TRAPPC9: variants seen among roughly 807,000 people sequenced by gnomAD.
TRAPPC9 encodes trafficking protein particle complex subunit 9, also known as IKK2 binding protein.
In TRAPPC9, 83 loss-of-function variants were observed where a neutral mutation model predicts 124.0. That is an observed-to-expected ratio of 0.67 (90% CI 0.56 to 0.80). The LOEUF (loss-of-function observed/expected upper bound fraction) is 0.80. Among genes scored for constraint, TRAPPC9 ranks in the 30% least tolerant of loss-of-function variants. TRAPPC9 has a pLI of 0.00. For synonymous variants in TRAPPC9, 638 were observed against 617.5 expected (o/e 1.03, Z -0.49); for missense variants, 1,302 against 1,508.3 (o/e 0.86, Z 2.27).
At position 139,727,743 on chromosome 8, in the gene TRAPPC9, T is replaced by C. The variant is rs1438379798; in HGVS notation, c.*3318A>G. ...TCCGGACTTTGCTTGAATACTTCTATTGACAAAGAGCTCACTCCATCAGCA... is the reference window on the plus strand; with the variant it reads ...TCCGGACTTTGCTTGAATACTTCTACTGACAAAGAGCTCACTCCATCAGCA... On this transcript the variant is annotated 3_prime_UTR_variant, in exon 23 of 23. Transcript: ENST00000438773. 1.3e-5 allele frequency among the ~76,000 whole-genome samples: 2 copies of C among 152,162 alleles called. No individual in the cohort carries two copies. Among genetic ancestry groups the C allele is most frequent in the African/African-American group, 4.8e-5 (2 of 41,440 alleles).
chr8:140,159,932 C>T (rs889904353), intron 17 of TRAPPC9, among the ~76,000 whole-genome samples: 1 of 152,164 alleles, frequency 6.6e-6, no homozygotes, highest in Non-Finnish European at 1.5e-5. Flanking sequence ...TCAGAATCTA[C>T]AACGAACTTA....
intron 19 of TRAPPC9, among the ~76,000 whole-genome samples, chr8:139,959,130 C>T (rs1835211979): frequency 3.3e-5 from 5 of 152,358 alleles, no homozygotes; most frequent in Middle Eastern, 6.8e-3. Context: ...GGGACTGGCT[C>T]CCAGCTTGGC....
intron 4 of TRAPPC9, among the ~76,000 whole-genome samples, chr8:140,431,085 C>A (rs2070624294): frequency 6.6e-6 from 1 of 152,160 alleles, no homozygotes; most frequent in Non-Finnish European, 1.5e-5. Flanking sequence ...ACAAATAATT[C>A]TGTGGCTTGG....
chr8:140,422,030 A>C lies in TRAPPC9; in HGVS notation c.886+4585T>G, dbSNP rs530747315. ...AAAACGGGCAAGAAATCAAACAAGC[A>C]AATAGTTTTCAGTAAATGATTCCCT... is the stretch of plus-strand genomic sequence containing the variant. On this transcript the variant is annotated intron_variant, in intron 5 of 22. Coordinates refer to ENST00000438773, the MANE Select transcript of TRAPPC9 (RefSeq NM_001160372.4). 3.3e-5 allele frequency among the ~76,000 whole-genome samples: 5 copies of C among 151,206 alleles called. No individual in the cohort carries two copies. The East Asian group carries it at 9.7e-4, about 29-fold the overall frequency.
chr8:139,864,069 AC>A lies in TRAPPC9; in HGVS notation c.3055+21809del, dbSNP rs1488098386. ...CATTCTGGCCCAGCTCCATCAGGCC[AC>A]CACAAAGCCCCCCTCCCTCTCCTGC... is the stretch of plus-strand genomic sequence containing the variant. On this transcript the variant is annotated intron_variant, in intron 21 of 22. Transcript: ENST00000438773. Among the ~76,000 whole-genome samples the A allele has an allele frequency of 2.6e-5, 4 of 152,228 alleles. No homozygotes were observed. In the East Asian group the frequency reaches 7.7e-4, roughly 29 times the overall value.
chr8:139,904,899 G>A (rs1831249523), intron 20 of TRAPPC9: 1 of 152,194 alleles, frequency 6.6e-6, no homozygotes, highest in African/African-American at 2.4e-5. Context: ...CAACAATGTG[G>A]CGTCATTAGT....
rs559637930 is a variant in TRAPPC9 at position 140,125,228 on chromosome 8, T to C, written c.2556+96231A>G. ...ACGGCCTCCCTAAGGGCCTCAAAGG[T>C]AACTGGCCCAGGGGCACTCGGAGGG... On this transcript the variant is annotated intron_variant, in intron 17 of 22. Transcript: ENST00000438773. 5.3e-5 allele frequency among the ~76,000 whole-genome samples: 8 copies of C among 152,018 alleles called. No individual in the cohort carries two copies. The East Asian group carries it at 1.4e-3, about 26-fold the overall frequency.
chr8:140,445,700 C>T (rs1309622581), intron 2 of TRAPPC9, among the ~76,000 whole-genome samples: 1 of 152,222 alleles, frequency 6.6e-6, no homozygotes, highest in African/African-American at 2.4e-5. Flanking sequence ...TCTTCTGTTC[C>T]ACCACCCTAG....
chr8:139,979,241 G>A (rs753366949), intron 19 of TRAPPC9, among the ~76,000 whole-genome samples: 6 of 152,170 alleles, frequency 3.9e-5, no homozygotes, highest in African/African-American at 9.7e-5. Flanking sequence ...CTTAAGAACC[G>A]TGTAGGTGGT....
At chr8:140,409,962 T>A (rs1352244982) in intron 5 of TRAPPC9, among the ~76,000 whole-genome samples, 1 of 151,392 alleles carries the variant, frequency 6.6e-6, no homozygotes, top group Non-Finnish European at 1.5e-5. Flanking sequence ...CGTGGCAAAA[T>A]CCCATCTCCA....
At chr8:140,225,828 G>A (rs2063438890) in intron 16 of TRAPPC9, among the ~76,000 whole-genome samples, 2 of 152,074 alleles carry the variant, frequency 1.3e-5, no homozygotes, top group African/African-American at 4.8e-5. Context: ...ATATACACAG[G>A]ACCCGTAATA....
chr8:139,805,833 C>G (rs1369247839), intron 21 of TRAPPC9, among the ~76,000 whole-genome samples: 1 of 152,182 alleles, frequency 6.6e-6, no homozygotes, highest in Non-Finnish European at 1.5e-5. Flanking sequence ...TCATGATACA[C>G]TTTAAAGTAC....
At chr8:140,391,299 G>A (rs765180630) in intron 7 of TRAPPC9, among the ~76,000 whole-genome samples, 10 of 152,250 alleles carry the variant, frequency 6.6e-5, no homozygotes, top group Non-Finnish European at 1.2e-4. Context: ...TGGATTCAAT[G>A]AGAGTTGATC....
chr8:139,834,049 T>C (rs1474420124), intron 21 of TRAPPC9, among the ~76,000 whole-genome samples: 3 of 152,100 alleles, frequency 2.0e-5, no homozygotes, highest in Non-Finnish European at 4.4e-5. Context: ...ACTGGGCAAG[T>C]CATGGAGCCC....
At chr8:140,279,800 G>A (rs537903227) in intron 14 of TRAPPC9, among the ~76,000 whole-genome samples, 9 of 152,192 alleles carry the variant, frequency 5.9e-5, no homozygotes, top group Non-Finnish European at 1.3e-4. Context: ...AGCAGCTAGA[G>A]GACCTGCTTT....
At chr8:140,357,893 C>T (rs766710936) in intron 9 of TRAPPC9, among the ~76,000 whole-genome samples, 18 of 152,176 alleles carry the variant, frequency 1.2e-4, no homozygotes, top group Non-Finnish European at 2.4e-4. Flanking sequence ...ACCCAATACA[C>T]GCAGAAAAGG....
intron 21 of TRAPPC9, among the ~76,000 whole-genome samples, chr8:139,819,982 TG>T (rs1825140067): frequency 9.0e-6 from 1 of 111,504 alleles, no homozygotes; most frequent in Non-Finnish European, 1.7e-5. Context: ...CACTCCAGCC[TG>T]GGCGACAGAG....
chr8:140,343,473 C>T (rs909078427), intron 9 of TRAPPC9, among the ~76,000 whole-genome samples: 1 of 152,320 alleles, frequency 6.6e-6, no homozygotes, highest in African/African-American at 2.4e-5. Context: ...GGAAATACTG[C>T]CACCCACAGA....
chr8:140,107,766 T>C (rs183959131), intron 17 of TRAPPC9, among the ~76,000 whole-genome samples: 44 of 152,298 alleles, frequency 2.9e-4, no homozygotes, highest in Non-Finnish European at 5.6e-4. Flanking sequence ...GCCAAGGGTA[T>C]GGGCTTTATT....
Sources: gnomAD v4.1 joint callset for allele counts (sites outside exome capture counted in the v4.1 genomes callset) on GRCh38, gnomAD v4.1.1 for gene constraint, MANE v1.5 for transcripts, NCBI Gene and HGNC (gene_info 2026-07-23, HGNC 2026-07-21) for gene names.